Variants in PCDH15 observed in about 807,000 individuals in gnomAD.
PCDH15 encodes protocadherin-15.
PCDH15 carries 129 observed loss-of-function variants against 178.5 expected under a neutral mutation model. The ratio of observed to expected loss-of-function variants is 0.72; its 90% CI spans 0.63 to 0.84. The LOEUF (loss-of-function observed/expected upper bound fraction) is 0.84. Ranked by LOEUF, PCDH15 falls within the 40% of genes least tolerant of loss-of-function variation. The pLI is 0.00. For missense variants in PCDH15, 2,230 were observed against 2,099.9 expected (o/e 1.06, Z -1.21); for synonymous variants, 800 against 732.0 (o/e 1.09, Z -1.50).
At chr10:53,965,989 ACTTCCTGG>A in intron 21 of PCDH15, among the ~76,000 whole-genome samples, 3 of 16,248 alleles carry the variant, frequency 1.8e-4, no homozygotes, top group South Asian at 2.0e-3. Flanking sequence ...ACATCTTAGA[ACTTCCTGG>A]ATGATTTTTA....
At chr10:55,075,881 C>A (rs1181010386) in intron 2 of PCDH15, among the ~76,000 whole-genome samples, 2 of 152,048 alleles carry the variant, frequency 1.3e-5, no homozygotes, top group African/African-American at 4.8e-5. Context: ...GTGTTATAAA[C>A]TATCCCTTAT....
At chr10:54,366,810 A>G (rs1367578331) in intron 5 of PCDH15, among the ~76,000 whole-genome samples, 1 of 152,052 alleles carries the variant, frequency 6.6e-6, no homozygotes, top group Non-Finnish European at 1.5e-5. Flanking sequence ...TTATCAAACC[A>G]TAGAAGATAT....
intron 18 of PCDH15, among the ~76,000 whole-genome samples, chr10:54,057,008 C>T (rs1406205217): frequency 2.6e-5 from 4 of 152,190 alleles, no homozygotes; most frequent in Non-Finnish European, 4.4e-5. Flanking sequence ...CCATGTGTCA[C>T]ATCCAGGTCA....
Position 54,133,858 on chromosome 10 carries a change from T to TACACACAC in PCDH15, c.1785-859_1785-852dup, listed in dbSNP as rs142011670. ...GTGAAAAAACATATATATGTATACA[T>TACACACAC]ACACACACACACACACACATATATA... On this transcript the variant is annotated intron_variant, in intron 14 of 37. Coordinates refer to ENST00000644397, the MANE Select transcript of PCDH15 (RefSeq NM_001384140.1). Among the ~76,000 whole-genome samples, 126 of 133,880 alleles carry TACACACAC rather than the reference T, an allele frequency of 9.4e-4. No individual in the cohort carries two copies. In the East Asian group the frequency reaches 0.01, roughly 11 times the overall value. 87.8% of individuals were successfully genotyped at this position (133,880 alleles called of 152,430 possible).
At chr10:53,884,792 A>G (rs1469452386) in intron 26 of PCDH15, among the ~76,000 whole-genome samples, 2 of 152,162 alleles carry the variant, frequency 1.3e-5, no homozygotes, top group Non-Finnish European at 2.9e-5. Flanking sequence ...TTCATGTTGA[A>G]AGATAATTCA....
chr10:55,504,913 T>C (rs954094135), intron 2 of PCDH15, among the ~76,000 whole-genome samples: 1 of 151,414 alleles, frequency 6.6e-6, no homozygotes, highest in African/African-American at 2.4e-5. Flanking sequence ...ATATGCACTT[T>C]AGTGCTTTAG....
intron 2 of PCDH15, among the ~76,000 whole-genome samples, chr10:55,076,304 G>T (rs1034391134): frequency 2.6e-5 from 4 of 151,944 alleles, no homozygotes; most frequent in Non-Finnish European, 5.9e-5. Context: ...TTTCCTAGAC[G>T]ATCTGTCTAT....
At chr10:54,288,430 G>T (rs181622447) in intron 8 of PCDH15, among the ~76,000 whole-genome samples, 1 of 152,098 alleles carries the variant, frequency 6.6e-6, no homozygotes, top group Admixed American at 6.5e-5. Flanking sequence ...GAACAGCTCC[G>T]GTCTGCAGCT....
At chr10:55,442,475 T>TATA (rs1554869616) in intron 2 of PCDH15, among the ~76,000 whole-genome samples, 1 of 58,130 alleles carries the variant, frequency 1.7e-5, no homozygotes, top group African/African-American at 9.2e-5. Context: ...ATATATTATA[T>TATA]ATATATTATA....
intron 1 of PCDH15, among the ~76,000 whole-genome samples, chr10:55,219,475 C>CT (rs1406592144): frequency 6.6e-6 from 1 of 151,598 alleles, no homozygotes; most frequent in African/African-American, 2.4e-5. Context: ...TTTATTATTG[C>CT]TTTTTTCTTG....
At chr10:54,486,804 G>A (rs1018370552) in intron 3 of PCDH15, among the ~76,000 whole-genome samples, 1 of 151,964 alleles carries the variant, frequency 6.6e-6, no homozygotes, top group South Asian at 2.1e-4. Flanking sequence ...ATCTTTGGGG[G>A]AACAGGGGCT....
intron 1 of PCDH15, among the ~76,000 whole-genome samples, chr10:54,799,017 G>A (rs1179850913): frequency 6.6e-6 from 1 of 152,040 alleles, no homozygotes; most frequent in Non-Finnish European, 1.5e-5. Context: ...ACTATTTTGA[G>A]AAGGTTCATA....
chr10:54,860,919 G>A (rs1953828853), intron 3 of PCDH15, among the ~76,000 whole-genome samples: 1 of 152,092 alleles, frequency 6.6e-6, no homozygotes, highest in African/African-American at 2.4e-5. Flanking sequence ...TTTTCTTACA[G>A]AATTTATTTA....
intron 2 of PCDH15, among the ~76,000 whole-genome samples, chr10:54,647,185 T>C (rs1446400814): frequency 2.6e-5 from 4 of 152,060 alleles, no homozygotes; most frequent in Non-Finnish European, 5.9e-5. Context: ...TCCTGCAATA[T>C]TTGACAACAT....
intron 2 of PCDH15, among the ~76,000 whole-genome samples, chr10:55,503,144 A>G (rs1055826411): frequency 9.3e-5 from 14 of 151,328 alleles, no homozygotes; most frequent in Non-Finnish European, 2.1e-4. Context: ...CATATATTTA[A>G]TGCTTATTAT....
rs537446965 is a variant in PCDH15, at chr10:55,226,351, T to C, written c.-155-59700A>G. 1.1e-3 allele frequency among the ~76,000 whole-genome samples: 164 copies of C among 151,088 alleles called. 1 individual carries two copies. The highest frequency in any genetic ancestry group is 3.6e-3 in the African/African-American group (150 of 41,124). On this transcript the variant is annotated intron_variant, in intron 1 of 5. Transcript: ENST00000458638. ...AATACTAACAAAACAGAATAGTTTT[T>C]TTGTTTTGTTTTGTTTTTGTTTTTG...
At chr10:54,113,146 C>G (rs2095055005) in intron 15 of PCDH15, among the ~76,000 whole-genome samples, 1 of 152,078 alleles carries the variant, frequency 6.6e-6, no homozygotes, top group African/African-American at 2.4e-5. Flanking sequence ...AGGAACTGGA[C>G]ATGTGTAGGC....
chr10:55,546,162 C>T (rs1005975790), intron 2 of PCDH15, among the ~76,000 whole-genome samples: 5 of 152,038 alleles, frequency 3.3e-5, no homozygotes, highest in African/African-American at 1.2e-4. Context: ...ATAGAAACAA[C>T]ACTGGTTTTG....
chr10:54,069,571 G>GTTTTTTATAAGTTTAT (rs1565177876), intron 17 of PCDH15, among the ~76,000 whole-genome samples: 29 of 152,160 alleles, frequency 1.9e-4, no homozygotes, highest in Admixed American at 4.6e-4. Context: ...TATATTTCTT[G>GTTTTTTATAAGTTTAT]AAGTTTTTTA....
Sources: allele counts gnomAD v4.1 joint callset (sites outside exome capture counted in the v4.1 genomes callset), GRCh38; gene constraint gnomAD v4.1.1; transcripts MANE v1.5; gene names NCBI Gene and HGNC (gene_info 2026-07-23, HGNC 2026-07-21).